The following DNAH12 variants were observed in gnomAD, a reference collection of about 807,000 sequenced individuals.
The protein encoded by DNAH12 is axonemal beta dynein heavy chain 12.
Under a neutral mutation model 371.5 loss-of-function variants are expected in DNAH12, and 285 were observed. That is an observed-to-expected ratio of 0.77 (90% CI 0.70 to 0.85). The LOEUF is 0.85. Ranked by LOEUF, DNAH12 falls within the 40% of genes least tolerant of loss-of-function variation. DNAH12 has a pLI of 0.00. For missense variants in DNAH12, 3,611 were observed against 3,689.4 expected, an observed-to-expected ratio of 0.98 and a Z score of 0.55; for synonymous variants, 1,200 against 1,213.0, an observed-to-expected ratio of 0.99 and a Z score of 0.22.
chr3:57,406,943 C>G (rs1434705860), intron 40 of DNAH12, among the ~76,000 whole-genome samples: 2 of 152,036 alleles, frequency 1.3e-5, no homozygotes, highest in Non-Finnish European at 2.9e-5. Context: ...TCTGTCGCCC[C>G]GCTGGAGTGC....
Position 57,461,623 on chromosome 3 carries a change from T to G in DNAH12, c.2602A>C (p.Ser868Arg). Residue 868 changes from serine to arginine, a missense_variant, in exon 19 of 74, where the codon AGT becomes CGT. By Grantham distance (110) the Ser-to-Arg change is moderately radical (BLOSUM62 -1). Coordinates refer to ENST00000495027, the MANE Select transcript of DNAH12 (RefSeq NM_001366028.2). ...CAGACTCCAGTGTCACGATACAGAC[T>G]TATATGAAAAGCAATATCTTCCCAA... ...GTWEDIAFHI[S>R]LYRDTGVCIL... 6.4e-7 allele frequency: 1 copy of G among 1,551,302 alleles called. No homozygotes were observed. Among genetic ancestry groups the G allele is most frequent in the South Asian group, 1.2e-5 (1 of 84,038 alleles).
At chr3:57,434,075 T>A (rs1189487209) in intron 30 of DNAH12, among the ~76,000 whole-genome samples, 1 of 152,148 alleles carries the variant, frequency 6.6e-6, no homozygotes. Context: ...CAATGAAAAC[T>A]TATTATCTGT....
chr3:57,388,737 A>AGTTCAT, intron 45 of DNAH12, among the ~76,000 whole-genome samples: 1 of 152,312 alleles, frequency 6.6e-6, no homozygotes, highest in East Asian at 1.9e-4. Context: ...AAAAAGGATG[A>AGTTCAT]GTTCATGTCC....
chr3:57,459,499 T>A, intron 20 of DNAH12, 93 bp downstream of exon 20: 1 of 1,225,546 alleles, frequency 8.2e-7, no homozygotes, highest in African/African-American at 1.5e-5. Flanking sequence ...ATGAGCAAGT[T>A]TAATTTTTAT....
chr3:57,419,435 A>G lies in DNAH12; in HGVS notation c.5646T>C (p.Asp1882=), dbSNP rs1050228435. 3.3e-6 allele frequency: 5 copies of G among 1,505,146 alleles called. No homozygotes were observed. The highest frequency in any genetic ancestry group is 2.8e-5 in the African/African-American group (2 of 70,236). 93.2% of individuals were successfully genotyped at this position (1,505,146 alleles called of 1,614,324 possible). A position where few individuals can be genotyped will look rare whatever the true frequency, so the allele number is the denominator to read the frequency against. The change falls in exon 37 of 74, where the codon GAT becomes GAC. Residue 1882 remains aspartate (D), a synonymous_variant. Coordinates refer to ENST00000495027, the MANE Select transcript of DNAH12 (RefSeq NM_001366028.2). Reference sequence around the variant, plus strand: ...TTGTGTCCATCGTAGGGACTATGATATCTTGAATCTTGATTTGTTTATCTC... The same window carrying G: ...TTGTGTCCATCGTAGGGACTATGATGTCTTGAATCTTGATTTGTTTATCTC... The part of the protein sequence containing the change: ...NLGDKQIKIQ[D]IIVPTMDTIR...
intron 69 of DNAH12, among the ~76,000 whole-genome samples, chr3:57,307,339 G>A (rs2061493925): frequency 6.6e-6 from 1 of 152,060 alleles, no homozygotes; most frequent in African/African-American, 2.4e-5. Flanking sequence ...ATTCCTTGAA[G>A]ACAGCTTTAG....
At chr3:57,470,320 G>T in intron 16 of DNAH12, 123 bp downstream of exon 16, 1 of 962,518 alleles carries the variant, frequency 1.0e-6, no homozygotes, top group Non-Finnish European at 1.5e-6. Context: ...ATGGTACCTG[G>T]TTCTCTTTCA....
At chr3:57,337,678 G>T (rs1377839958) in intron 60 of DNAH12, among the ~76,000 whole-genome samples, 1 of 151,884 alleles carries the variant, frequency 6.6e-6, no homozygotes, top group East Asian at 1.9e-4. Flanking sequence ...ATATATATGT[G>T]TGTATATATA....
chr3:57,373,911 C>T (rs2063229300), intron 55 of DNAH12, among the ~76,000 whole-genome samples: 1 of 152,132 alleles, frequency 6.6e-6, no homozygotes, highest in Non-Finnish European at 1.5e-5. Flanking sequence ...TTTATTAAAA[C>T]AATACTGTCA....
intron 29 of DNAH12, among the ~76,000 whole-genome samples, chr3:57,438,493 T>G (rs2065201971): frequency 6.6e-6 from 1 of 152,136 alleles, no homozygotes; most frequent in African/African-American, 2.4e-5. Context: ...GAAGTCAAAC[T>G]GTCTTCTCTG....
At chr3:57,371,830 A>T (rs2153337190) in intron 55 of DNAH12, among the ~76,000 whole-genome samples, 1 of 151,800 alleles carries the variant, frequency 6.6e-6, no homozygotes, top group Non-Finnish European at 1.5e-5. Context: ...ACTTCTCATC[A>T]GACTATGTAG....
At position 57,405,925 on chromosome 3, in the gene DNAH12, A is replaced by G; in HGVS notation, c.6304T>C (p.Leu2102=). Residue 2102 remains leucine, a synonymous_variant, in exon 41 of 74, where the codon TTA becomes CTA. Coordinates refer to ENST00000495027, the MANE Select transcript of DNAH12 (RefSeq NM_001366028.2). ...EIYKQSVENL[L]PTPTKSHYTF... Reference sequence around the variant, plus strand: ...TAATGGGATTTTGTGGGAGTGGGTAAAAGATTTTCCACAGATTGTTTATAT... The same window carrying G: ...TAATGGGATTTTGTGGGAGTGGGTAGAAGATTTTCCACAGATTGTTTATAT... The G allele has an allele frequency of 6.5e-7, 1 of 1,546,400 alleles. No individual in the cohort carries two copies. Among genetic ancestry groups the G allele is most frequent in the Non-Finnish European group, 8.8e-7 (1 of 1,142,300 alleles).
In DNAH12 at chr3:57,433,478, A is replaced by T; in HGVS notation, c.4869T>A (p.Phe1623Leu). 1.3e-6 allele frequency: 2 copies of T among 1,551,576 alleles called. No homozygotes were observed. The highest frequency in any genetic ancestry group is 1.7e-6 in the Non-Finnish European group (2 of 1,146,914). The change falls in exon 32 of 74, where the codon TTT (phenylalanine) becomes TTA (leucine). Residue 1623 changes from phenylalanine to leucine, a missense_variant. This residue lies in a region of DNAH12 where 2,266 missense variants were observed against 2,236.9 expected (regional missense o/e 1.01). Transcript: ENST00000495027. ...EWTDGIVANT[F>L]REFALSETPD... is the part of the protein sequence containing the mutation. ...GTGTTTCTGATAAGGCAAATTCTCT[A>T]AAAGTGTTAGCCACAATACCATCAG...
chr3:57,369,719 C>G (rs1404293169), intron 55 of DNAH12, among the ~76,000 whole-genome samples: 6 of 152,094 alleles, frequency 3.9e-5, no homozygotes, highest in Non-Finnish European at 8.8e-5. Context: ...CTTTTAGTAC[C>G]TTTCAAGCCC....
At chr3:57,492,672 A>G (rs2067169919) in intron 11 of DNAH12, among the ~76,000 whole-genome samples, 1 of 152,142 alleles carries the variant, frequency 6.6e-6, no homozygotes, top group Non-Finnish European at 1.5e-5. Context: ...AAATTCTAGA[A>G]AATGTCACTA....
intron 59 of DNAH12, among the ~76,000 whole-genome samples, chr3:57,356,057 G>A (rs1469779068): frequency 1.3e-5 from 2 of 152,112 alleles, no homozygotes; most frequent in Non-Finnish European, 2.9e-5. Flanking sequence ...CTAGTATGTG[G>A]CAGAACTGAG....
At chr3:57,424,710 G>T (rs983743134) in intron 35 of DNAH12, among the ~76,000 whole-genome samples, 9 of 151,302 alleles carry the variant, frequency 5.9e-5, no homozygotes, top group Non-Finnish European at 1.0e-4. Flanking sequence ...TGGGGGAGGT[G>T]GGGGGTGGAG....
chr3:57,329,984 A>T (rs1367828648), intron 62 of DNAH12, among the ~76,000 whole-genome samples: 1 of 151,556 alleles, frequency 6.6e-6, no homozygotes, highest in Non-Finnish European at 1.5e-5. Flanking sequence ...ACTGGCCATC[A>T]GAGAAATGCA....
intron 11 of DNAH12, among the ~76,000 whole-genome samples, chr3:57,500,174 G>C (rs1413827562): frequency 6.6e-6 from 1 of 151,448 alleles, no homozygotes; most frequent in Non-Finnish European, 1.5e-5. Context: ...CCTAGTAGCT[G>C]GGATTACAGG....
Sources: allele counts gnomAD v4.1 joint callset (sites outside exome capture counted in the v4.1 genomes callset), GRCh38; gene constraint gnomAD v4.1.1; regional missense constraint gnomAD v4.1.1; transcripts MANE v1.5; gene names NCBI Gene and HGNC (gene_info 2026-07-23, HGNC 2026-07-21).